Variants in GNAO1 observed in about 807,000 individuals in gnomAD.
GNAO1 encodes guanine nucleotide-binding protein G(o) subunit alpha.
For missense variants in GNAO1, 166 were observed against 478.7 expected, an observed-to-expected ratio of 0.35 and a Z score of 6.10; for synonymous variants, 164 against 180.7, an observed-to-expected ratio of 0.91 and a Z score of 0.74.
intron 2 of GNAO1, among the ~76,000 whole-genome samples, chr16:56,265,614 T>C (rs1257030732): frequency 6.6e-6 from 1 of 152,216 alleles, no homozygotes; most frequent in African/African-American, 2.4e-5. Context: ...AATTTTTTTC[T>C]TCTTTTTTGC....
chr16:56,345,140 G>T, intron 6 of GNAO1: 1 of 985,834 alleles, frequency 1.0e-6, no homozygotes, highest in South Asian at 4.7e-5. Context: ...AGGGGGCGGG[G>T]TAGCTTCTCC....
intron 2 of GNAO1, among the ~76,000 whole-genome samples, chr16:56,237,939 C>T (rs2036654944): frequency 1.3e-5 from 2 of 152,148 alleles, no homozygotes; most frequent in South Asian, 4.2e-4. Context: ...CTGTGGGATC[C>T]GTAACCAGCT....
At chr16:56,197,909 G>A (rs1231644365) in intron 2 of GNAO1, among the ~76,000 whole-genome samples, 1 of 152,104 alleles carries the variant, frequency 6.6e-6, no homozygotes, top group African/African-American at 2.4e-5. Context: ...CAGCCCATCT[G>A]GATACTGGGA....
intron 2 of GNAO1, among the ~76,000 whole-genome samples, chr16:56,230,812 T>C (rs1282827554): frequency 6.6e-6 from 1 of 152,204 alleles, no homozygotes; most frequent in Non-Finnish European, 1.5e-5. Flanking sequence ...TCCAGAGTCA[T>C]GTGTGGTTTA....
intron 3 of GNAO1, among the ~76,000 whole-genome samples, chr16:56,324,973 G>C (rs1480737813): frequency 1.3e-5 from 2 of 152,176 alleles, no homozygotes; most frequent in Non-Finnish European, 2.9e-5. Context: ...CACTTCTTTT[G>C]TACAGACCTT....
Position 56,351,308 on chromosome 16 carries a change from TTC to T in GNAO1, c.724-71_724-70del. Reference sequence around the variant, plus strand: ...CCCAGTCCCTCTCTGTCAAGCCTAATTCTCTCCTTCTCTTTCCCTGTCTCTGT... The same window carrying T: ...CCCAGTCCCTCTCTGTCAAGCCTAATTCTCCTTCTCTTTCCCTGTCTCTGT... On this transcript the variant is annotated intron_variant, in intron 6 of 8. Transcript: ENST00000262493. The surrounding 1 kb of genome is among the most constrained non-coding windows in gnomAD (Gnocchi z 6.1). 1.9e-6 allele frequency: 2 copies of T among 1,044,400 alleles called. No homozygotes were observed. Among genetic ancestry groups the T allele is most frequent in the Non-Finnish European group, 2.9e-6 (2 of 690,394 alleles). The allele number at this position is 1,044,400 out of a possible 1,614,324, so 64.7% of individuals were successfully genotyped here.
chr16:56,267,885 C>T (rs2036972932), intron 2 of GNAO1, among the ~76,000 whole-genome samples: 2 of 150,312 alleles, frequency 1.3e-5, no homozygotes, highest in African/African-American at 4.9e-5. Flanking sequence ...ACAGAATATA[C>T]CCCTGCCCCC....
intron 3 of GNAO1, among the ~76,000 whole-genome samples, chr16:56,286,615 A>T (rs1441823331): frequency 6.6e-6 from 1 of 151,886 alleles, no homozygotes; most frequent in Non-Finnish European, 1.5e-5. Flanking sequence ...GGACATCACC[A>T]AGCACAAGGT....
At chr16:56,250,456 C>T (rs1029917651) in intron 2 of GNAO1, among the ~76,000 whole-genome samples, 2 of 152,166 alleles carry the variant, frequency 1.3e-5, no homozygotes, top group Non-Finnish European at 2.9e-5. Context: ...AGTCCCTGTG[C>T]TGATGCCAGG....
intron 2 of GNAO1, among the ~76,000 whole-genome samples, chr16:56,230,460 C>A (rs901143995): frequency 4.6e-5 from 7 of 152,182 alleles, no homozygotes; most frequent in African/African-American, 1.7e-4. Context: ...ACCTCTCCAG[C>A]AGATTTTATA....
At chr16:56,349,553 G>A (rs1022783615) in intron 6 of GNAO1, among the ~76,000 whole-genome samples, 5 of 152,206 alleles carry the variant, frequency 3.3e-5, no homozygotes, top group Non-Finnish European at 1.5e-5. Context: ...CTCCCCGGAG[G>A]GATCACACAG....
chr16:56,239,558 G>C (rs998967730), intron 2 of GNAO1, among the ~76,000 whole-genome samples: 1 of 152,178 alleles, frequency 6.6e-6, no homozygotes, highest in Non-Finnish European at 1.5e-5. Flanking sequence ...AAGAATGTCT[G>C]TACCCTTTTG....
chr16:56,286,695 CTGTGTGTG>C (rs57968280), intron 3 of GNAO1, among the ~76,000 whole-genome samples: 8,913 of 144,966 alleles, frequency 0.061, 300 homozygotes, highest in South Asian at 0.12. Context: ...TCTGTCGCCT[CTGTGTGTG>C]TGTGTGTGTG....
At chr16:56,224,477 A>G (rs531347129) in intron 2 of GNAO1, among the ~76,000 whole-genome samples, 3 of 151,956 alleles carry the variant, frequency 2.0e-5, no homozygotes, top group African/African-American at 7.2e-5. Flanking sequence ...CTGGGGTTTT[A>G]TTTTTATTTA....
At chr16:56,347,724 G>A in intron 6 of GNAO1, 1 of 985,420 alleles carries the variant, frequency 1.0e-6, no homozygotes, top group African/African-American at 1.7e-5. Flanking sequence ...TCCTGGCAGT[G>A]CAGCTCCGAG....
At position 56,286,468 on chromosome 16, in the gene GNAO1, C is replaced by T. The variant is rs372321262; in HGVS notation, c.303+10396C>T. 3.3e-5 allele frequency among the ~76,000 whole-genome samples: 5 copies of T among 152,262 alleles called. No individual in the cohort carries two copies. In the East Asian group the frequency reaches 5.8e-4, roughly 18 times the overall value. ...GGGGCTTGATCAGCAGCTCAGGGGA[C>T]GTCCCTGGCTTCCCCCATCTCTCCA... On this transcript the variant is annotated intron_variant, in intron 3 of 8. Coordinates refer to ENST00000262493, the MANE Select transcript of GNAO1 (RefSeq NM_020988.3).
At chr16:56,230,708 G>T (rs1407042908) in intron 2 of GNAO1, among the ~76,000 whole-genome samples, 1 of 151,948 alleles carries the variant, frequency 6.6e-6, no homozygotes, top group Non-Finnish European at 1.5e-5. Flanking sequence ...CTAATATAGG[G>T]GTCCAGACTC....
chr16:56,226,536 T>G (rs536873955), intron 2 of GNAO1: 1 of 152,346 alleles, frequency 6.6e-6, no homozygotes, highest in East Asian at 1.9e-4. Context: ...GGCTTTGCTC[T>G]GAGCACCTGG....
At chr16:56,233,461 T>A (rs2036609669) in intron 2 of GNAO1, among the ~76,000 whole-genome samples, 1 of 152,212 alleles carries the variant, frequency 6.6e-6, no homozygotes, top group Non-Finnish European at 1.5e-5. Flanking sequence ...GTGAGCTGCT[T>A]GCTGTAGGCC....
Sources: allele counts gnomAD v4.1 joint callset (sites outside exome capture counted in the v4.1 genomes callset), GRCh38; gene constraint gnomAD v4.1.1; non-coding constraint Gnocchi (gnomAD v3.1); transcripts MANE v1.5; gene names NCBI Gene and HGNC (gene_info 2026-07-23, HGNC 2026-07-21).